Variants in GTF2H1 observed in about 807,000 individuals in gnomAD.
GTF2H1 encodes general transcription factor IIH subunit 1.
Under a neutral mutation model 71.2 loss-of-function variants are expected in GTF2H1, and 16 were observed. That is an observed-to-expected ratio of 0.22 (90% confidence interval 0.15 to 0.34). The LOEUF (loss-of-function observed/expected upper bound fraction) is 0.34. GTF2H1 is among the 10% of genes least tolerant of loss of function. The pLI is 1.00. For synonymous variants in GTF2H1, 215 were observed against 219.0 expected, an observed-to-expected ratio of 0.98 and a Z score of 0.16; for missense variants, 498 against 648.2, an observed-to-expected ratio of 0.77 and a Z score of 2.52.
At chr11:18,324,867 T>A (rs1027426921) in intron 1 of GTF2H1, among the ~76,000 whole-genome samples, 3 of 152,244 alleles carry the variant, frequency 2.0e-5, no homozygotes, top group Non-Finnish European at 4.4e-5. Flanking sequence ...ATTTTCCTCC[T>A]GCCTCTTCCC....
intron 11 of GTF2H1, among the ~76,000 whole-genome samples, chr11:18,357,731 G>A (rs1227698504): frequency 6.6e-6 from 1 of 152,140 alleles, no homozygotes; most frequent in African/African-American, 2.4e-5. Context: ...CTGTGGACTT[G>A]CCTGGCATGC....
At chr11:18,348,145 T>A in intron 9 of GTF2H1, 1 of 579,812 alleles carries the variant, frequency 1.7e-6, no homozygotes, top group Non-Finnish European at 3.0e-6. Flanking sequence ...TGTTTTTTGT[T>A]TGTTTGTTTG....
intron 14 of GTF2H1, among the ~76,000 whole-genome samples, chr11:18,365,078 G>A (rs9783386): frequency 0.73 from 102,448 of 140,340 alleles, 37,265 homozygotes; most frequent in East Asian, 0.97. Context: ...ATTTAAAAAA[G>A]AAAAAAAAAA....
At chr11:18,347,441 T>C in intron 7 of GTF2H1, 147 bp from the exon 8 acceptor site, 1 of 569,940 alleles carries the variant, frequency 1.8e-6, no homozygotes, top group South Asian at 2.7e-5. Flanking sequence ...TAATGTCACT[T>C]GTTTTTAAAT....
rs1370194684 is a variant in GTF2H1 at position 18,324,051 on chromosome 11, CA to C, written c.-16+1312del. On this transcript the variant is annotated intron_variant, in intron 1 of 14. Transcript: ENST00000265963. The stretch of plus-strand genomic sequence containing the variant: ...TGGTCTGCTATCCTCACTCAGCCGA[CA>C]TTTTTTTTTTTTTTTGAGACGGAGT... Among the ~76,000 whole-genome samples, 10 of 87,054 alleles carry C rather than the reference CA, an allele frequency of 1.1e-4. No homozygotes were observed. The South Asian group carries it at 2.8e-3, about 24-fold the overall frequency. The allele number at this position is 87,054 out of a possible 152,430, so 57.1% of individuals were successfully genotyped here. A position where few individuals can be genotyped will look rare whatever the true frequency, so the allele number is the denominator to read the frequency against.
intron 1 of GTF2H1, among the ~76,000 whole-genome samples, chr11:18,325,678 GA>G (rs146746108): frequency 1.1e-4 from 16 of 147,898 alleles, no homozygotes; most frequent in South Asian, 4.3e-4. Flanking sequence ...AACATAGACT[GA>G]AAAAAAAAAT....
chr11:18,332,917 G>C, intron 1 of GTF2H1, 143 bp from the exon 2 acceptor site: 1 of 539,650 alleles, frequency 1.9e-6, no homozygotes, highest in Non-Finnish European at 3.1e-6. Context: ...CTTCAACTTT[G>C]AATGAGAAAA....
In GTF2H1 at chr11:18,366,195, C is replaced by T. The variant is rs1035003115; in HGVS notation, c.*326C>T. 2.0e-5 allele frequency: 5 copies of T among 247,036 alleles called. No individual in the cohort carries two copies. Among genetic ancestry groups the T allele is most frequent in the Admixed American group, 1.1e-4 (2 of 18,422 alleles). The allele number at this position is 247,036 out of a possible 1,614,324, so 15.3% of individuals were successfully genotyped here. On this transcript the variant is annotated 3_prime_UTR_variant, in exon 15 of 15. Transcript: ENST00000265963. ...GTTTACTGCAGTTGCTCAGGAACTGCTTTTGATTCACATTAAGCTGCTTTC... is the reference window on the plus strand; with the variant it reads ...GTTTACTGCAGTTGCTCAGGAACTGTTTTTGATTCACATTAAGCTGCTTTC...
chr11:18,331,536 C>A (rs1161373466), intron 1 of GTF2H1, among the ~76,000 whole-genome samples: 1 of 152,078 alleles, frequency 6.6e-6, no homozygotes, highest in Non-Finnish European at 1.5e-5. Context: ...CGTGGTGGCA[C>A]ATGCCTGTAA....
intron 11 of GTF2H1, among the ~76,000 whole-genome samples, chr11:18,354,939 G>A (rs2133984162): frequency 6.6e-6 from 1 of 151,830 alleles, no homozygotes; most frequent in East Asian, 1.9e-4. Context: ...CCCCCAAGTA[G>A]CTGAAACCAC....
chr11:18,357,554 G>C (rs1865585639), intron 11 of GTF2H1, among the ~76,000 whole-genome samples: 1 of 152,042 alleles, frequency 6.6e-6, no homozygotes, highest in South Asian at 2.1e-4. Flanking sequence ...TTGTTTCTTA[G>C]AAAAATAAAT....
intron 7 of GTF2H1, among the ~76,000 whole-genome samples, chr11:18,343,769 C>A (rs961471944): frequency 1.3e-5 from 2 of 152,054 alleles, no homozygotes; most frequent in African/African-American, 2.4e-5. Context: ...ATGGGTATTC[C>A]CTCTCTTAGT....
intron 14 of GTF2H1, among the ~76,000 whole-genome samples, chr11:18,364,761 T>C (rs1240106117): frequency 1.3e-5 from 2 of 152,136 alleles, no homozygotes; most frequent in Non-Finnish European, 2.9e-5. Context: ...CTGAGTTGTA[T>C]TGAACTCCTG....
At chr11:18,327,392 CAT>C (rs1178795200) in intron 1 of GTF2H1, among the ~76,000 whole-genome samples, 4 of 152,116 alleles carry the variant, frequency 2.6e-5, no homozygotes, top group Non-Finnish European at 4.4e-5. Context: ...TTCAGAGTAA[CAT>C]AGTGAAATTT....
At chr11:18,324,735 T>C (rs1161096142) in intron 1 of GTF2H1, among the ~76,000 whole-genome samples, 1 of 142,670 alleles carries the variant, frequency 7.0e-6, no homozygotes, top group Non-Finnish European at 1.5e-5. Context: ...GTAGTTCCTC[T>C]TTTCACCACT....
At chr11:18,325,008 G>C (rs542194456) in intron 1 of GTF2H1, among the ~76,000 whole-genome samples, 4 of 152,172 alleles carry the variant, frequency 2.6e-5, no homozygotes, top group Non-Finnish European at 4.4e-5. Context: ...TACTTATAAA[G>C]TTATTCCCTT....
intron 14 of GTF2H1, among the ~76,000 whole-genome samples, chr11:18,361,802 A>T (rs1182117043): frequency 6.6e-6 from 1 of 152,234 alleles, no homozygotes. Context: ...TAGTAAGCAA[A>T]ACTGTTCCTG....
At chr11:18,328,319 T>A (rs916036011) in intron 1 of GTF2H1, among the ~76,000 whole-genome samples, 1 of 151,376 alleles carries the variant, frequency 6.6e-6, no homozygotes, top group Non-Finnish European at 1.5e-5. Context: ...AAGACCAGCT[T>A]GGCCAACATG....
intron 2 of GTF2H1, among the ~76,000 whole-genome samples, chr11:18,334,908 A>G (rs1258229354): frequency 6.6e-6 from 1 of 151,984 alleles, no homozygotes; most frequent in Non-Finnish European, 1.5e-5. Context: ...TTACATTTCC[A>G]TTGGTTGTCT....
Sources: gnomAD v4.1 joint callset for allele counts (sites outside exome capture counted in the v4.1 genomes callset) on GRCh38, gnomAD v4.1.1 for gene constraint, MANE v1.5 for transcripts, NCBI Gene and HGNC (gene_info 2026-07-23, HGNC 2026-07-21) for gene names.